FLG: variants seen among roughly 807,000 people sequenced by gnomAD.
FLG encodes epidermal filaggrin.
FLG carries 6 observed loss-of-function variants against 3.8 expected under a neutral mutation model. That is an observed-to-expected ratio of 1.60 (90% CI 0.87 to 3.15). The LOEUF is 3.15. Ranked by LOEUF, FLG falls within the 30% of genes most tolerant of loss-of-function variation. The pLI is 0.00. For synonymous variants in FLG, 2,551 were observed against 1,931.6 expected (o/e 1.32, Z -8.41); for missense variants, 7,595 against 5,050.9 (o/e 1.50, Z -15.27).
rs267598030 is a variant in FLG at position 152,310,589 on chromosome 1, C to G, written c.4297G>C (p.Glu1433Gln). ...AAAGACCTTGAACGTCCAGAGCTTT[C>G]CCCTGACTGGCCACGTGCGGACTCT... ...HKESARGQSG[E>Q]SSGRSRSFLY... Residue 1433 changes from glutamate to glutamine, a missense_variant, in exon 3 of 3, where the codon GAA becomes CAA. Glu to Gln is a conservative substitution (Grantham distance 29). Transcript: ENST00000368799. 3.7e-6 allele frequency: 6 copies of G among 1,613,976 alleles called. No individual in the cohort carries two copies. In the Admixed American group the frequency reaches 1.0e-4, roughly 27 times the overall value.
Position 152,310,349 on chromosome 1 carries a change from C to T in FLG, c.4537G>A (p.Gly1513Arg). Residue 1513 changes from glycine (G) to arginine (R), a missense_variant, in exon 3 of 3, where the codon GGA becomes AGA. Coordinates refer to ENST00000368799, the MANE Select transcript of FLG (RefSeq NM_002016.2). ...SYHEQSVDRS[G>R]HSGYHHSHTT... ...TGGCTGTGATGGTACCCTGAGTGTC[C>T]AGACCTATCTACTGATTGCTCGTGG... 1 of 1,613,824 alleles carries T rather than the reference C, an allele frequency of 6.2e-7. No individual in the cohort carries two copies. Among genetic ancestry groups the T allele is most frequent in the Non-Finnish European group, 8.5e-7 (1 of 1,179,962 alleles).
rs758121643 is a variant in FLG, at chr1:152,314,442, C to T, written c.444G>A (p.Gly148=). The T allele has an allele frequency of 4.3e-6, 7 of 1,613,286 alleles. No homozygotes were observed. In the Admixed American group the frequency reaches 6.7e-5, roughly 15 times the overall value. The change falls in exon 3 of 3, where the codon GGG becomes GGA. Residue 148 remains glycine (G), a synonymous_variant. Coordinates refer to ENST00000368799, the MANE Select transcript of FLG (RefSeq NM_002016.2). The part of the protein sequence containing the change: ...KGRSKSPRET[G]GKRHESSSEK... The stretch of plus-strand genomic sequence containing the variant: ...CAGAACTAGATTCATGCCTTTTCCC[C>T]CCTGTTTCTCTTGGGCTCTTGGATC...
rs568482676 is a variant in FLG at position 152,309,273 on chromosome 1, C to G, written c.5613G>C (p.Glu1871Asp). 1.9e-6 allele frequency: 3 copies of G among 1,612,930 alleles called. No homozygotes were observed. The highest frequency in any genetic ancestry group is 2.7e-5 in the African/African-American group (2 of 74,232). The change falls in exon 3 of 3, where the codon GAG (glutamate) becomes GAC (aspartate). Residue 1871 changes from glutamate to aspartate, a missense_variant. Glu to Asp is a conservative substitution (Grantham distance 45, BLOSUM62 2). Transcript: ENST00000368799. Reference sequence around the variant, plus strand: ...GCCTGGAGCCGTCTCCTGATTGTTTCTCATTACGTGTTTGTCTGCTGACAC... The same window carrying G: ...GCCTGGAGCCGTCTCCTGATTGTTTGTCATTACGTGTTTGTCTGCTGACAC... ...SRSVSRQTRNEKQSGDGSRHS... is the reference protein window; with the variant it reads ...SRSVSRQTRNDKQSGDGSRHS...
chr1:152,312,536 C>G lies in FLG; in HGVS notation c.2350G>C (p.Gly784Arg). The change falls in exon 3 of 3, where the codon GGG becomes CGG. Residue 784 changes from glycine (G) to arginine (R), a missense_variant. Coordinates refer to ENST00000368799, the MANE Select transcript of FLG (RefSeq NM_002016.2). ...SHQESARDRS[G>R]ERSRRSGSFL... ...GACCCTGAACGTCGAGACCTTTCCC[C>G]TGACCGGTCACGTGCGGACTCTTGG... 6.2e-7 allele frequency: 1 copy of G among 1,613,636 alleles called. No homozygotes were observed. The highest frequency in any genetic ancestry group is 1.7e-5 in the Admixed American group (1 of 59,992).
rs768114377 is a variant in FLG, at chr1:152,313,730, A to G, written c.1156T>C (p.Ser386Pro). 6.2e-7 allele frequency: 1 copy of G among 1,613,788 alleles called. No individual in the cohort carries two copies. Among genetic ancestry groups the G allele is most frequent in the African/African-American group, 1.3e-5 (1 of 74,852 alleles). The change falls in exon 3 of 3, where the codon TCC becomes CCC. Residue 386 changes from serine to proline, a missense_variant. Transcript: ENST00000368799. The stretch of plus-strand genomic sequence containing the variant: ...CTGTCTGCTGACTGCTGGTGGCCGG[A>G]TCCATGTCTTTCTCCTGGACTTGAT... The part of the protein sequence containing the change: ...ARSSPGERHG[S>P]GHQQSADSSR...
In FLG at chr1:152,314,050, G is replaced by T. The variant is rs1253056641; in HGVS notation, c.836C>A (p.Thr279Lys). Residue 279 changes from threonine to lysine, a missense_variant, in exon 3 of 3, where the codon ACA (threonine) becomes AAA (lysine). Coordinates refer to ENST00000368799, the MANE Select transcript of FLG (RefSeq NM_002016.2). ...SQVNRSRHEN[T>K]SQVPLQESRT... ...GGACTCCTGCAATGGTACCTGGCTT[G>T]TATTTTCATGTCTTGACCTGTTCAC... 1 of 1,614,052 alleles carries T rather than the reference G, an allele frequency of 6.2e-7. No individual in the cohort carries two copies. Among genetic ancestry groups the T allele is most frequent in the Non-Finnish European group, 8.5e-7 (1 of 1,180,038 alleles).
intron 1 of FLG, among the ~76,000 whole-genome samples, chr1:152,317,541 G>A (rs1570918799): frequency 6.6e-6 from 1 of 151,998 alleles, no homozygotes; most frequent in East Asian, 1.9e-4. Flanking sequence ...GCACTCTCAA[G>A]TTTCTCCTCC....
chr1:152,322,123 A>G (rs1652998220), intron 1 of FLG, among the ~76,000 whole-genome samples: 1 of 151,314 alleles, frequency 6.6e-6, no homozygotes, highest in South Asian at 2.1e-4. Context: ...TCTTTGAAAA[A>G]TGTCATAGCA....
rs1401517481 is a variant in FLG at position 152,306,388 on chromosome 1, C to T, written c.8498G>A (p.Gly2833Glu). 1.2e-6 allele frequency: 2 copies of T among 1,602,984 alleles called. No individual in the cohort carries two copies. The highest frequency in any genetic ancestry group is 3.3e-5 in the Admixed American group (2 of 59,804). ...TGTTGTTCTGCTTGCACTTCTGGATCCTGACTGCCCACGGGAGGCATCAGA... is the reference window on the plus strand; with the variant it reads ...TGTTGTTCTGCTTGCACTTCTGGATTCTGACTGCCCACGGGAGGCATCAGA... ...GRSDASRGQSGSRSASRTTRN... is the reference protein window; with the variant it reads ...GRSDASRGQSESRSASRTTRN... Residue 2833 changes from glycine to glutamate, a missense_variant, in exon 3 of 3, where the codon GGA (glycine) becomes GAA (glutamate). Coordinates refer to ENST00000368799, the MANE Select transcript of FLG (RefSeq NM_002016.2).
chr1:152,304,377 C>A lies in FLG; in HGVS notation c.10509G>T (p.Trp3503Cys). Residue 3503 changes from tryptophan (W) to cysteine (C), a missense_variant, in exon 3 of 3, where the codon TGG becomes TGT. Trp to Cys is a radical substitution (Grantham distance 215, BLOSUM62 -2). Transcript: ENST00000368799. ...GAGTGGAAGCTTCATGGTGATGCGA[C>A]CATGAGTGCCTGGAGCCATCTCCTG... ...EQSGDGSRHSWSHHHEASTQA... is the reference protein window; with the variant it reads ...EQSGDGSRHSCSHHHEASTQA... 1.2e-6 allele frequency: 2 copies of A among 1,611,774 alleles called. No homozygotes were observed. Among genetic ancestry groups the A allele is most frequent in the South Asian group, 1.1e-5 (1 of 90,496 alleles).
At chr1:152,324,208 C>T (rs935459366) in intron 1 of FLG, among the ~76,000 whole-genome samples, 5 of 151,828 alleles carry the variant, frequency 3.3e-5, no homozygotes, top group Admixed American at 1.3e-4. Flanking sequence ...CTGTTTTCCA[C>T]GTAGCAGCCC....
chr1:152,310,562 G>T lies in FLG; in HGVS notation c.4324C>A (p.Leu1442Ile), dbSNP rs372630215. The T allele has an allele frequency of 1.9e-5, 30 of 1,613,650 alleles. 1 individual carries two copies. The highest frequency in any genetic ancestry group is 1.6e-4 in the Middle Eastern group (1 of 6,084). The part of the protein sequence containing the change: ...GESSGRSRSF[L>I]YQVSSHEQSE... The stretch of plus-strand genomic sequence containing the variant: ...TGTTCATGAGAGCTCACCTGGTAGA[G>T]GAAAGACCTTGAACGTCCAGAGCTT... The change falls in exon 3 of 3, where the codon CTC (leucine) becomes ATC (isoleucine). Residue 1442 changes from leucine to isoleucine, a missense_variant. By Grantham distance (5) the Leu-to-Ile change is conservative (BLOSUM62 2). Coordinates refer to ENST00000368799, the MANE Select transcript of FLG (RefSeq NM_002016.2).
intron 2 of FLG, 69 bp downstream of exon 2, chr1:152,315,250 A>G: frequency 6.9e-7 from 1 of 1,443,246 alleles, no homozygotes; most frequent in Admixed American, 1.7e-5. Flanking sequence ...AGAGCTCAAA[A>G]TAACCCTTGC....
In FLG at chr1:152,312,949, T is replaced by A. The variant is rs768275109; in HGVS notation, c.1937A>T (p.His646Leu). 8 of 1,613,722 alleles carry A rather than the reference T, an allele frequency of 5.0e-6. No homozygotes were observed. The highest frequency in any genetic ancestry group is 2.7e-5 in the African/African-American group (2 of 74,758). ...RWSGSASRNH[H>L]GSAQEQSRDG... ...TCTTGACTGCTCCTGAGCAGATCCA[T>A]GATGGTTTCTGGAAGCAGACCCAGA... Residue 646 changes from histidine to leucine, a missense_variant, in exon 3 of 3, where the codon CAT becomes CTT. Physicochemically the swap from His to Leu is moderately conservative, Grantham distance 99. Transcript: ENST00000368799.
chr1:152,310,916 C>T lies in FLG; in HGVS notation c.3970G>A (p.Asp1324Asn), dbSNP rs780192750. ...EDRASHGHSADSSRQSGTHHT... is the reference protein window; with the variant it reads ...EDRASHGHSANSSRQSGTHHT... ...TGAGTGCCTGATTGTCTGGAGCTGT[C>T]TGCAGAGTGCCCGTGACTGGCTCTG... Residue 1324 changes from aspartate (D) to asparagine (N), a missense_variant, in exon 3 of 3, where the codon GAC becomes AAC. By Grantham distance (23) the Asp-to-Asn change is conservative. Transcript: ENST00000368799. 1.9e-6 allele frequency: 3 copies of T among 1,614,114 alleles called. No homozygotes were observed. The Admixed American group carries it at 5.0e-5, about 27-fold the overall frequency.
Position 152,313,638 on chromosome 1 carries a change from C to A in FLG, c.1248G>T (p.Gly416=), listed in dbSNP as rs374242065. 5.6e-6 allele frequency: 9 copies of A among 1,613,400 alleles called. No individual in the cohort carries two copies. Among genetic ancestry groups the A allele is most frequent in the East Asian group, 2.2e-5 (1 of 44,762 alleles). The part of the protein sequence containing the change: ...SSAVSDRGHR[G]SSGSQASDSE... ...TGTCACTGGCCTGACTACCGCTAGA[C>A]CCCCGGTGTCCACGATCGCTGACTG... Residue 416 remains glycine, a synonymous_variant, in exon 3 of 3, where the codon GGG becomes GGT. Coordinates refer to ENST00000368799, the MANE Select transcript of FLG (RefSeq NM_002016.2).
Position 152,314,104 on chromosome 1 carries a change from C to T in FLG, c.782G>A (p.Arg261Lys). 1 of 1,614,116 alleles carries T rather than the reference C, an allele frequency of 6.2e-7. No homozygotes were observed. Among genetic ancestry groups the T allele is most frequent in the Middle Eastern group, 1.7e-4 (1 of 6,060 alleles). The change falls in exon 3 of 3, where the codon AGG becomes AAG. Residue 261 changes from arginine (R) to lysine (K), a missense_variant. Transcript: ENST00000368799. ...LEENKIYERS[R>K]SSDGKSSSQV... ...AGATGATGATTTGCCATCAGATGAC[C>T]TTGATCTTTCATATATTTTGTTTTC...
Position 152,309,684 on chromosome 1 carries a change from CACTG to C in FLG, c.5198_5201del (p.Ser1733CysfsTer36), listed in dbSNP as rs754949514. ...GGGGCCCAGCCTGTCCGTGGGCTGACACTGACTGTGTGTCTGACTCTTCTGAGTG... is the reference window on the plus strand; with the variant it reads ...GGGGCCCAGCCTGTCCGTGGGCTGACACTGTGTGTCTGACTCTTCTGAGTG... On this transcript the variant is annotated frameshift_variant, in exon 3 of 3. Transcript: ENST00000368799. LOFTEE classifies it low-confidence loss of function (END_TRUNC). The C allele has an allele frequency of 1.9e-5, 30 of 1,613,900 alleles. No homozygotes were observed. Among genetic ancestry groups the C allele is most frequent in the East Asian group, 4.5e-5 (2 of 44,834 alleles).
chr1:152,304,535 C>T lies in FLG; in HGVS notation c.10351G>A (p.Glu3451Lys), dbSNP rs370743517. 2.4e-5 allele frequency: 38 copies of T among 1,611,858 alleles called. 1 individual carries two copies. The highest frequency in any genetic ancestry group is 1.1e-4 in the East Asian group (5 of 44,606). ...TGTCCAGACCTATCTACCGATTGCT[C>T]GTAGTGGGATCCCTGCCTTCCTCTT... The part of the protein sequence containing the change: ...SRRGRQGSHY[E>K]QSVDRSGHSG... Residue 3451 changes from glutamate (E) to lysine (K), a missense_variant, in exon 3 of 3, where the codon GAG becomes AAG. By Grantham distance (56) the Glu-to-Lys change is moderately conservative. Transcript: ENST00000368799.
Sources: gnomAD v4.1 joint callset for allele counts (sites outside exome capture counted in the v4.1 genomes callset) on GRCh38, gnomAD v4.1.1 for gene constraint, MANE v1.5 for transcripts, NCBI Gene and HGNC (gene_info 2026-07-23, HGNC 2026-07-21) for gene names.